GATAD2B: variants seen among roughly 807,000 people sequenced by gnomAD.
GATAD2B encodes the protein GATA zinc finger domain containing 2B.
Under a neutral mutation model 64.3 loss-of-function variants are expected in GATAD2B, and 8 were observed. The ratio of observed to expected loss-of-function variants is 0.12; its 90% CI spans 0.07 to 0.22. GATAD2B has a LOEUF of 0.22. Among genes scored for constraint, GATAD2B ranks in the 10% least tolerant of loss-of-function variants. GATAD2B has a pLI of 1.00. For missense variants in GATAD2B, 453 were observed against 752.0 expected (o/e 0.60, Z 4.65); for synonymous variants, 281 against 271.3 (o/e 1.04, Z -0.35).
chr1:153,915,777 T>G (rs992133077), intron 1 of GATAD2B, among the ~76,000 whole-genome samples: 1 of 149,760 alleles, frequency 6.7e-6, no homozygotes, highest in African/African-American at 2.4e-5. Flanking sequence ...GAAAAACCAC[T>G]GTATTTGCTC....
At chr1:153,824,490 T>C (rs1382938083) in intron 2 of GATAD2B, among the ~76,000 whole-genome samples, 3 of 151,372 alleles carry the variant, frequency 2.0e-5, no homozygotes, top group Admixed American at 6.6e-5. Context: ...AGCCAGCATG[T>C]AGTCCCAGCT....
At chr1:153,895,142 G>A (rs932277181) in intron 1 of GATAD2B, among the ~76,000 whole-genome samples, 6 of 151,518 alleles carry the variant, frequency 4.0e-5, no homozygotes, top group Non-Finnish European at 8.8e-5. Flanking sequence ...TGGGCAACAA[G>A]AGCGAAGCTC....
chr1:153,889,764 T>C (rs1677311784), intron 1 of GATAD2B: 1 of 216,978 alleles, frequency 4.6e-6, no homozygotes, highest in African/African-American at 2.3e-5. Flanking sequence ...TTTTGAAGCT[T>C]GTGGTGGGCA....
chr1:153,828,948 T>G (rs749791546), intron 1 of GATAD2B, among the ~76,000 whole-genome samples: 1 of 152,126 alleles, frequency 6.6e-6, no homozygotes, highest in Non-Finnish European at 1.5e-5. Context: ...GCTCAACTTG[T>G]ATTGTCAGCT....
intron 1 of GATAD2B, among the ~76,000 whole-genome samples, chr1:153,888,086 CAAA>C (rs962698525): frequency 7.9e-6 from 1 of 126,230 alleles, no homozygotes. Flanking sequence ...GGCTCTATCT[CAAA>C]AAAAAAAAAA....
At chr1:153,829,562 C>A (rs1200748365) in intron 1 of GATAD2B, among the ~76,000 whole-genome samples, 1 of 151,356 alleles carries the variant, frequency 6.6e-6, no homozygotes, top group East Asian at 2.0e-4. Context: ...ATGGTGAAAC[C>A]CCATCTCTAC....
Position 153,812,142 on chromosome 1 carries a change from G to A in GATAD2B, c.1420-10C>T. The stretch of plus-strand genomic sequence containing the variant: ...ATCGCTGTTCAATTTCCTGTTGGGA[G>A]TCATCACATCAGGTGATTGAGCAGG... On this transcript the variant is annotated splice_polypyrimidine_tract_variant and intron_variant, in intron 8 of 10. Transcript: ENST00000368655. 6.8e-7 allele frequency: 1 copy of A among 1,463,246 alleles called. No homozygotes were observed. The highest frequency in any genetic ancestry group is 9.6e-7 in the Non-Finnish European group (1 of 1,043,424). 90.6% of individuals were successfully genotyped at this position (1,463,246 alleles called of 1,614,324 possible).
At chr1:153,873,643 G>C (rs1263865411) in intron 1 of GATAD2B, among the ~76,000 whole-genome samples, 3 of 152,158 alleles carry the variant, frequency 2.0e-5, no homozygotes, top group Non-Finnish European at 4.4e-5. Flanking sequence ...CCAGAGCCGT[G>C]AGAAATAAAT....
At chr1:153,904,175 A>T (rs1677858805) in intron 1 of GATAD2B, among the ~76,000 whole-genome samples, 1 of 151,848 alleles carries the variant, frequency 6.6e-6, no homozygotes, top group Non-Finnish European at 1.5e-5. Context: ...AGCTACTTGG[A>T]AGGCTGACGC....
At chr1:153,833,879 A>T (rs933974437) in intron 1 of GATAD2B, among the ~76,000 whole-genome samples, 2 of 152,016 alleles carry the variant, frequency 1.3e-5, no homozygotes, top group African/African-American at 4.8e-5. Context: ...GTGGCTCACA[A>T]AAGTAATTCC....
intron 2 of GATAD2B, 57 bp from the exon 3 acceptor site, chr1:153,819,792 T>A: frequency 6.6e-7 from 1 of 1,513,350 alleles, no homozygotes; most frequent in African/African-American, 1.4e-5. Context: ...AAAACTTCTA[T>A]GCTGAATTAA....
intron 1 of GATAD2B, among the ~76,000 whole-genome samples, chr1:153,883,869 T>C (rs1677081321): frequency 6.6e-6 from 1 of 152,226 alleles, no homozygotes; most frequent in South Asian, 2.1e-4. Flanking sequence ...GATTGATTAG[T>C]AGTCCAGAGG....
At chr1:153,916,499 G>C (rs1313354496) in intron 1 of GATAD2B, among the ~76,000 whole-genome samples, 4 of 152,096 alleles carry the variant, frequency 2.6e-5, no homozygotes. Context: ...AAATGATGTT[G>C]GAAATGTTGA....
Position 153,859,685 on chromosome 1 carries a change from A to T in GATAD2B, c.-1-31337T>A, listed in dbSNP as rs186301328. Among the ~76,000 whole-genome samples the T allele has an allele frequency of 4.3e-4, 65 of 151,846 alleles. No homozygotes were observed. The East Asian group carries it at 6.0e-3, about 14-fold the overall frequency. The stretch of plus-strand genomic sequence containing the variant: ...ACTCCATCTCAAAAAAAAATAATAA[A>T]AAAAAAAAAAGACCATAGACATTAC... On this transcript the variant is annotated intron_variant, in intron 1 of 10. Transcript: ENST00000368655.
chr1:153,921,393 AT>A (rs1678424365), intron 1 of GATAD2B, among the ~76,000 whole-genome samples: 1 of 152,182 alleles, frequency 6.6e-6, no homozygotes, highest in African/African-American at 2.4e-5. Flanking sequence ...TTTAGAAAAA[AT>A]GTCCTAAAAA....
chr1:153,874,967 A>G (rs1016676443), intron 1 of GATAD2B, among the ~76,000 whole-genome samples: 1 of 151,770 alleles, frequency 6.6e-6, no homozygotes, highest in African/African-American at 2.4e-5. Context: ...TGCAGCCTCA[A>G]ACTCCCAGGC....
At chr1:153,905,333 C>T (rs1292696812) in intron 1 of GATAD2B, among the ~76,000 whole-genome samples, 2 of 151,690 alleles carry the variant, frequency 1.3e-5, no homozygotes, top group South Asian at 2.1e-4. Flanking sequence ...GCAGAGATCA[C>T]GCCACCGCAC....
At chr1:153,858,696 A>G (rs936743486) in intron 1 of GATAD2B, among the ~76,000 whole-genome samples, 3 of 152,088 alleles carry the variant, frequency 2.0e-5, no homozygotes, top group Non-Finnish European at 4.4e-5. Context: ...GTATCACTAC[A>G]CTCCAGCCTA....
At chr1:153,853,130 C>T in intron 1 of GATAD2B, 1 of 1,441,316 alleles carries the variant, frequency 6.9e-7, no homozygotes, top group Non-Finnish European at 9.8e-7. Flanking sequence ...TCAGAATAGG[C>T]AGTCTCTCCT....
Sources: allele counts gnomAD v4.1 joint callset (sites outside exome capture counted in the v4.1 genomes callset), GRCh38; gene constraint gnomAD v4.1.1; transcripts MANE v1.5; gene names NCBI Gene and HGNC (gene_info 2026-07-23, HGNC 2026-07-21).